Variants in IRX1 observed in about 807,000 individuals in gnomAD.
IRX1 encodes the protein iroquois-class homeodomain protein IRX-1.
A neutral mutation model predicts 34.1 loss-of-function variants in IRX1; 22 were observed. The observed-to-expected ratio is 0.64, with a 90% CI of 0.46 to 0.92. IRX1 has a LOEUF of 0.92. IRX1 is among the 40% of genes least tolerant of loss of function. The pLI is 0.00. For synonymous variants in IRX1, 363 were observed against 319.0 expected (o/e 1.14, Z -1.47); for missense variants, 758 against 680.0 (o/e 1.11, Z -1.28).
At position 3,600,638 on chromosome 5, in the gene IRX1, C is replaced by A. The variant is rs563881120; in HGVS notation, c.1342C>A (p.Pro448Thr). ...ERDLVPRPDS[P>T]AQQLKSPFQP... ...AGACCTCGTCCCCAGGCCAGATTCG[C>A]CGGCACAGCAGTTAAAGTCGCCCTT... Residue 448 changes from proline to threonine, a missense_variant, in exon 3 of 4, where the codon CCG becomes ACG. Pro to Thr is a conservative substitution (Grantham distance 38, BLOSUM62 -1). Transcript: ENST00000302006. 6.2e-7 allele frequency: 1 copy of A among 1,613,818 alleles called. No homozygotes were observed. Among genetic ancestry groups the A allele is most frequent in the Admixed American group, 1.7e-5 (1 of 60,024 alleles).
chr5:3,601,308 C>T lies in IRX1; in HGVS notation c.*268C>T. On this transcript the variant is annotated 3_prime_UTR_variant, in exon 4 of 4. Coordinates refer to ENST00000302006, the MANE Select transcript of IRX1 (RefSeq NM_024337.4). ...CCACGTGCTTGTGTCTCTTTCCCCC[C>T]TTTTCTGTATATAGAGTGGTTTCAG... 1 of 538,942 alleles carries T rather than the reference C, an allele frequency of 1.9e-6. No individual in the cohort carries two copies. The highest frequency in any genetic ancestry group is 2.1e-5 in the South Asian group (1 of 48,406). The allele number at this position is 538,942 out of a possible 1,614,324, so 33.4% of individuals were successfully genotyped here. A position where few individuals can be genotyped will look rare whatever the true frequency, so the allele number is the denominator to read the frequency against.
Position 3,601,295 on chromosome 5 carries a change from G to T in IRX1, c.*255G>T, listed in dbSNP as rs1376515872. The T allele has an allele frequency of 1.8e-5, 10 of 557,580 alleles. No homozygotes were observed. The highest frequency in any genetic ancestry group is 3.2e-5 in the Non-Finnish European group (10 of 310,818). The allele number at this position is 557,580 out of a possible 1,614,324, so 34.5% of individuals were successfully genotyped here. A position where few individuals can be genotyped will look rare whatever the true frequency, so the allele number is the denominator to read the frequency against. On this transcript the variant is annotated 3_prime_UTR_variant, in exon 4 of 4. Coordinates refer to ENST00000302006, the MANE Select transcript of IRX1 (RefSeq NM_024337.4). ...TCGGTAAATGCCCCCACGTGCTTGTGTCTCTTTCCCCCCTTTTCTGTATAT... is the reference window on the plus strand; with the variant it reads ...TCGGTAAATGCCCCCACGTGCTTGTTTCTCTTTCCCCCCTTTTCTGTATAT...
rs1054513417 is a variant in IRX1, at chr5:3,599,064, A to G, written c.277-161A>G. 7.9e-5 allele frequency among the ~76,000 whole-genome samples: 12 copies of G among 152,248 alleles called. No individual in the cohort carries two copies. The highest frequency in any genetic ancestry group is 2.9e-4 in the African/African-American group (12 of 41,544). On this transcript the variant is annotated intron_variant, in intron 1 of 3. Transcript: ENST00000302006. This position sits in a 1 kb window ranked among gnomAD's most constrained non-coding sequence, Gnocchi z 6.6. The stretch of plus-strand genomic sequence containing the variant: ...CTGGGGGTGACTTCCTGATCTGCCC[A>G]GCACAGGAGAGCCCCGCAAAGCGCC...
intron 1 of IRX1, among the ~76,000 whole-genome samples, chr5:3,597,488 G>A (rs1205755989): frequency 6.6e-6 from 1 of 152,202 alleles, no homozygotes; most frequent in Non-Finnish European, 1.5e-5. Context: ...GGGTTTCCCT[G>A]TAACTTTTCT....
chr5:3,601,076 G>T lies in IRX1; in HGVS notation c.*36G>T. 1 of 1,554,274 alleles carries T rather than the reference G, an allele frequency of 6.4e-7. No homozygotes were observed. The highest frequency in any genetic ancestry group is 2.2e-5 in the East Asian group (1 of 44,570). On this transcript the variant is annotated 3_prime_UTR_variant, in exon 4 of 4. Coordinates refer to ENST00000302006, the MANE Select transcript of IRX1 (RefSeq NM_024337.4). ...TCTTTTACTTTTGCGGGGGGGAGGGGGGAGGAGTTGGGGAGGGAGGGAATG... is the reference window on the plus strand; with the variant it reads ...TCTTTTACTTTTGCGGGGGGGAGGGTGGAGGAGTTGGGGAGGGAGGGAATG...
At position 3,599,977 on chromosome 5, in the gene IRX1, G is replaced by A; in HGVS notation, c.1029G>A (p.Ala343=). Residue 343 remains alanine, a synonymous_variant, in exon 2 of 4, where the codon GCG becomes GCA. Coordinates refer to ENST00000302006, the MANE Select transcript of IRX1 (RefSeq NM_024337.4). The surrounding 1 kb of genome is among the most constrained non-coding windows in gnomAD (Gnocchi z 6.6). Reference sequence around the variant, plus strand: ...CACCACCCGCGGGCCACCCCGGCGCGCACGGGCCCTCCGCCGGGGCGCCGC... The same window carrying A: ...CACCACCCGCGGGCCACCCCGGCGCACACGGGCCCTCCGCCGGGGCGCCGC... The part of the protein sequence containing the change: ...SPPPPAGHPG[A]HGPSAGAPLQ... 2 of 1,510,032 alleles carry A rather than the reference G, an allele frequency of 1.3e-6. No homozygotes were observed. Among genetic ancestry groups the A allele is most frequent in the Non-Finnish European group, 1.8e-6 (2 of 1,124,732 alleles). The allele number at this position is 1,510,032 out of a possible 1,614,324, so 93.5% of individuals were successfully genotyped here. A position where few individuals can be genotyped will look rare whatever the true frequency, so the allele number is the denominator to read the frequency against.
Position 3,599,765 on chromosome 5 carries a change from G to C in IRX1, c.817G>C (p.Asp273His). 3.1e-6 allele frequency: 5 copies of C among 1,609,546 alleles called. No individual in the cohort carries two copies. Among genetic ancestry groups the C allele is most frequent in the Non-Finnish European group, 4.2e-6 (5 of 1,178,818 alleles). The change falls in exon 2 of 4, where the codon GAC becomes CAC. Residue 273 changes from aspartate (D) to histidine (H), a missense_variant. By Grantham distance (81) the Asp-to-His change is moderately conservative (BLOSUM62 -1). Transcript: ENST00000302006. This position sits in a 1 kb window ranked among gnomAD's most constrained non-coding sequence, Gnocchi z 6.6. ...CCAAGGCTCGCCGCTGGCAGCAGCC[G>C]ACGTTCTCAAGCCCCAGGACTCGCC... is the stretch of plus-strand genomic sequence containing the variant. ...RDQGSPLAAA[D>H]VLKPQDSPLG...
At position 3,595,852 on chromosome 5, in the gene IRX1, CGAGCGGAGGGCGGCCGCCGCA is replaced by C. The variant is rs1031611461; in HGVS notation, c.-252_-232del. On this transcript the variant is annotated 5_prime_UTR_variant, in exon 1 of 4. Transcript: ENST00000302006. ...AAATTGTGTCTGAAAGCCCCGCCGC[CGAGCGGAGGGCGGCCGCCGCA>C]GTCGGCGCGCGATTGCGGATCCGGG... 1.1e-4 allele frequency among the ~76,000 whole-genome samples: 17 copies of C among 151,216 alleles called. No individual in the cohort carries two copies. The highest frequency in any genetic ancestry group is 1.5e-4 in the Non-Finnish European group (10 of 67,594).
chr5:3,601,075 G>T lies in IRX1; in HGVS notation c.*35G>T. On this transcript the variant is annotated 3_prime_UTR_variant, in exon 4 of 4. Coordinates refer to ENST00000302006, the MANE Select transcript of IRX1 (RefSeq NM_024337.4). ...TTCTTTTACTTTTGCGGGGGGGAGG[G>T]GGGAGGAGTTGGGGAGGGAGGGAAT... 1 of 1,576,144 alleles carries T rather than the reference G, an allele frequency of 6.3e-7. No homozygotes were observed. The highest frequency in any genetic ancestry group is 8.7e-7 in the Non-Finnish European group (1 of 1,146,562).
chr5:3,598,106 A>C (rs13181453), intron 1 of IRX1, among the ~76,000 whole-genome samples: 25,146 of 152,124 alleles, frequency 0.17, 2,482 homozygotes, highest in Admixed American at 0.24. Context: ...TGAGAGAGTA[A>C]ACTCAAACCC....
chr5:3,597,183 C>T (rs1310708941), intron 1 of IRX1, among the ~76,000 whole-genome samples: 1 of 152,230 alleles, frequency 6.6e-6, no homozygotes, highest in East Asian at 1.9e-4. Flanking sequence ...CTCTTAGTCT[C>T]CCGTCCCAGT....
chr5:3,600,787 T>C, intron 3 of IRX1, 106 bp downstream of exon 3: 1 of 1,219,454 alleles, frequency 8.2e-7, no homozygotes, highest in Non-Finnish European at 1.2e-6. Flanking sequence ...GGTCGCGCAG[T>C]CCTAGTTGAA....
intron 1 of IRX1, among the ~76,000 whole-genome samples, chr5:3,598,449 C>T (rs910579708): frequency 6.6e-6 from 1 of 152,126 alleles, no homozygotes; most frequent in Non-Finnish European, 1.5e-5. Flanking sequence ...AACCGGTTCC[C>T]CTCCTGGCCG....
intron 1 of IRX1, among the ~76,000 whole-genome samples, chr5:3,597,620 C>A (rs544463159): frequency 1.3e-5 from 2 of 152,320 alleles, no homozygotes; most frequent in Non-Finnish European, 2.9e-5. Context: ...ACAAGGTGTC[C>A]TTTCAAAAAG....
At chr5:3,596,468 G>T in intron 1 of IRX1, 87 bp downstream of exon 1, 7 of 1,261,786 alleles carry the variant, frequency 5.5e-6, no homozygotes, top group South Asian at 2.0e-5. Flanking sequence ...GAGAGACTAC[G>T]GGTGGACCTG....
chr5:3,600,976 C>T lies in IRX1; in HGVS notation c.1386-7C>T. The stretch of plus-strand genomic sequence containing the variant: ...TGTCTTCTTGTCTCGCTGTGTTTCC[C>T]ATGCAGCTCTCTGGCCCCGCAGGAG... On this transcript the variant is annotated splice_polypyrimidine_tract_variant and splice_region_variant and intron_variant, in intron 3 of 3. Coordinates refer to ENST00000302006, the MANE Select transcript of IRX1 (RefSeq NM_024337.4). 6.8e-6 allele frequency: 11 copies of T among 1,613,320 alleles called. No individual in the cohort carries two copies. Among genetic ancestry groups the T allele is most frequent in the Non-Finnish European group, 9.3e-6 (11 of 1,179,686 alleles).
chr5:3,599,648 G>T lies in IRX1; in HGVS notation c.700G>T (p.Asp234Tyr). The change falls in exon 2 of 4, where the codon GAC (aspartate) becomes TAC (tyrosine). Residue 234 changes from aspartate (D) to tyrosine (Y), a missense_variant. This residue lies in a region of IRX1 where 529 missense variants were observed against 418.8 expected (regional missense o/e 1.26). Coordinates refer to ENST00000302006, the MANE Select transcript of IRX1 (RefSeq NM_024337.4). The surrounding 1 kb of genome is among the most constrained non-coding windows in gnomAD (Gnocchi z 6.6). ...DLESIDIDKI[D>Y]EHDGDQSNED... ...GGAAAGCATCGACATTGACAAGATC[G>T]ACGAGCACGATGGCGACCAGAGCAA... is the stretch of plus-strand genomic sequence containing the variant. The T allele has an allele frequency of 6.2e-7, 1 of 1,613,852 alleles. No individual in the cohort carries two copies. The highest frequency in any genetic ancestry group is 8.5e-7 in the Non-Finnish European group (1 of 1,180,028).
At chr5:3,596,403 C>A in intron 1 of IRX1, 22 bp downstream of exon 1, 3 of 1,488,966 alleles carry the variant, frequency 2.0e-6, no homozygotes, top group East Asian at 2.8e-5. Flanking sequence ...CGGCCTCCCC[C>A]GCTTCTCCTC....
chr5:3,596,316 G>T lies in IRX1; in HGVS notation c.211G>T (p.Ala71Ser). ...CATGTACGCGGCGGCGGGGCCGTAC[G>T]CGGGCGCGCCCAACTACAGCGCCTT... ...LGMYAAAGPY[A>S]GAPNYSAFLP... Residue 71 changes from alanine to serine, a missense_variant, in exon 1 of 4, where the codon GCG (alanine) becomes TCG (serine). Physicochemically the swap from Ala to Ser is moderately conservative, Grantham distance 99. Coordinates refer to ENST00000302006, the MANE Select transcript of IRX1 (RefSeq NM_024337.4). 1.3e-6 allele frequency: 2 copies of T among 1,492,342 alleles called. No individual in the cohort carries two copies. Among genetic ancestry groups the T allele is most frequent in the Non-Finnish European group, 1.8e-6 (2 of 1,123,972 alleles). The allele number at this position is 1,492,342 out of a possible 1,614,324, so 92.4% of individuals were successfully genotyped here. A position where few individuals can be genotyped will look rare whatever the true frequency, so the allele number is the denominator to read the frequency against.
Sources: gnomAD v4.1 joint callset for allele counts (sites outside exome capture counted in the v4.1 genomes callset) on GRCh38, gnomAD v4.1.1 for gene constraint, gnomAD v4.1.1 regional missense constraint, Gnocchi (gnomAD v3.1) non-coding constraint, MANE v1.5 for transcripts, NCBI Gene and HGNC (gene_info 2026-07-23, HGNC 2026-07-21) for gene names.